Variants in GPR26 observed in about 807,000 individuals in gnomAD.
GPR26 encodes G protein-coupled receptor 26.
In GPR26, 15 loss-of-function variants were observed where a neutral mutation model predicts 23.1. That is an observed-to-expected ratio of 0.65 (90% CI 0.43 to 1.00). GPR26 has a LOEUF of 1.00. Ranked by LOEUF, GPR26 falls within the 50% of genes least tolerant of loss-of-function variation. GPR26 has a pLI of 0.00. For synonymous variants in GPR26, 228 were observed against 222.1 expected (o/e 1.03, Z -0.24); for missense variants, 359 against 470.5 (o/e 0.76, Z 2.19).
intron 2 of GPR26, among the ~76,000 whole-genome samples, chr10:123,675,786 G>C (rs1845297575): frequency 6.9e-6 from 1 of 145,474 alleles, no homozygotes; most frequent in Non-Finnish European, 1.5e-5. Flanking sequence ...AGCAGCATCT[G>C]TGCAGGGTTT....
Position 123,687,919 on chromosome 10 carries a change from C to T in GPR26, c.783-10C>T. 6.4e-7 allele frequency: 1 copy of T among 1,572,052 alleles called. No individual in the cohort carries two copies. The highest frequency in any genetic ancestry group is 1.1e-5 in the South Asian group (1 of 90,188). ...ATGTCCTCATTAACAGCTTCCCTGTCTCTCCACAGGCTAGTGGAGCTCTTC... is the reference window on the plus strand; with the variant it reads ...ATGTCCTCATTAACAGCTTCCCTGTTTCTCCACAGGCTAGTGGAGCTCTTC... On this transcript the variant is annotated splice_polypyrimidine_tract_variant and intron_variant, in intron 2 of 2. Transcript: ENST00000284674.
intron 2 of GPR26, among the ~76,000 whole-genome samples, chr10:123,684,742 C>T (rs909500434): frequency 3.3e-5 from 5 of 152,286 alleles, no homozygotes; most frequent in East Asian, 1.9e-4. Flanking sequence ...ACCAATAGTA[C>T]GGAATTAGGG....
intron 2 of GPR26, among the ~76,000 whole-genome samples, chr10:123,675,516 G>T (rs1845294286): frequency 6.6e-6 from 1 of 152,036 alleles, no homozygotes; most frequent in South Asian, 2.1e-4. Context: ...CCAGATCCTC[G>T]AGCCAGCCAA....
Position 123,667,561 on chromosome 10 carries a change from C to CTGTGTGTGTGTGTGTG in GPR26, c.668+511_668+526dup, listed in dbSNP as rs71026066. 8.8e-5 allele frequency among the ~76,000 whole-genome samples: 11 copies of CTGTGTGTGTGTGTGTG among 125,084 alleles called. No individual in the cohort carries two copies. In the East Asian group the frequency reaches 1.5e-3, roughly 17 times the overall value. 82.1% of individuals were successfully genotyped at this position (125,084 alleles called of 152,430 possible). ...GTGTGGCGCTGCCTCTGTCTCACGA[C>CTGTGTGTGTGTGTGTG]TGTGTGTGTGTGTGTGTGTGTGTGT... On this transcript the variant is annotated intron_variant, in intron 1 of 2. Coordinates refer to ENST00000284674, the MANE Select transcript of GPR26 (RefSeq NM_153442.4).
chr10:123,695,495 C>T lies in GPR26; in HGVS notation c.*7335C>T, dbSNP rs1054410213. ...TTAACTGTGAGAGTTAAGAGTATCACCATCAAGGCGCAAGGCTTCAGTCTT... is the reference window on the plus strand; with the variant it reads ...TTAACTGTGAGAGTTAAGAGTATCATCATCAAGGCGCAAGGCTTCAGTCTT... On this transcript the variant is annotated 3_prime_UTR_variant, in exon 3 of 3. Coordinates refer to ENST00000284674, the MANE Select transcript of GPR26 (RefSeq NM_153442.4). Among the ~76,000 whole-genome samples the T allele has an allele frequency of 2.6e-5, 4 of 152,110 alleles. No homozygotes were observed. Among genetic ancestry groups the T allele is most frequent in the South Asian group, 2.1e-4 (1 of 4,820 alleles).
At chr10:123,667,473 G>A (rs1319828842) in intron 1 of GPR26, among the ~76,000 whole-genome samples, 8 of 152,064 alleles carry the variant, frequency 5.3e-5, no homozygotes, top group Non-Finnish European at 1.2e-4. Flanking sequence ...GATGCTTAGG[G>A]AGCTCCTTAA....
In GPR26 at chr10:123,679,863, G is replaced by C. The variant is rs1287083078; in HGVS notation, c.782+4932G>C. 4.6e-5 allele frequency among the ~76,000 whole-genome samples: 7 copies of C among 152,128 alleles called. No homozygotes were observed. The East Asian group carries it at 7.7e-4, about 17-fold the overall frequency. On this transcript the variant is annotated intron_variant, in intron 2 of 2. Transcript: ENST00000284674. Reference sequence around the variant, plus strand: ...TACCCACTCCCAAGGCAGATCTCCCGAGGCTTGCTGAGCGAGTCATACTCC... The same window carrying C: ...TACCCACTCCCAAGGCAGATCTCCCCAGGCTTGCTGAGCGAGTCATACTCC...
At chr10:123,681,578 G>A (rs1845378668) in intron 2 of GPR26, among the ~76,000 whole-genome samples, 1 of 152,192 alleles carries the variant, frequency 6.6e-6, no homozygotes, top group South Asian at 2.1e-4. Flanking sequence ...TGGGAATGCT[G>A]GGAGCTGGGA....
Position 123,666,569 on chromosome 10 carries a change from G to A in GPR26, c.162G>A (p.Leu54=). 6.3e-7 allele frequency: 1 copy of A among 1,597,800 alleles called. No homozygotes were observed. Among genetic ancestry groups the A allele is most frequent in the Non-Finnish European group, 8.5e-7 (1 of 1,174,514 alleles). Residue 54 remains leucine (L), a synonymous_variant, in exon 1 of 3, where the codon CTG becomes CTA. Transcript: ENST00000284674. The part of the protein sequence containing the change: ...FTLNLTCGNL[L]CTVVNMPLTL... ...TGAACCTCACGTGCGGGAACCTGCTGTGCACCGTGGTCAACATGCCGCTCA... is the reference window on the plus strand; with the variant it reads ...TGAACCTCACGTGCGGGAACCTGCTATGCACCGTGGTCAACATGCCGCTCA...
chr10:123,681,448 A>T (rs1564732296), intron 2 of GPR26, among the ~76,000 whole-genome samples: 1 of 152,170 alleles, frequency 6.6e-6, no homozygotes, highest in South Asian at 2.1e-4. Context: ...TCAGCGCAGA[A>T]ACTAATATTC....
In GPR26 at chr10:123,694,362, AG is replaced by A. The variant is rs1444423387; in HGVS notation, c.*6206del. 1 of 152,660 alleles carries A rather than the reference AG, an allele frequency of 6.6e-6. No individual in the cohort carries two copies. Among genetic ancestry groups the A allele is most frequent in the African/African-American group, 2.4e-5 (1 of 41,416 alleles). The allele number at this position is 152,660 out of a possible 1,614,324, so 9.5% of individuals were successfully genotyped here. ...GAGATGGTGTCAGGTGAGGGCTGAGAGGGGAGGGCAAGTGCCCCTTGAGATG... is the reference window on the plus strand; with the variant it reads ...GAGATGGTGTCAGGTGAGGGCTGAGAGGGAGGGCAAGTGCCCCTTGAGATG... On this transcript the variant is annotated 3_prime_UTR_variant, in exon 3 of 3. Coordinates refer to ENST00000284674, the MANE Select transcript of GPR26 (RefSeq NM_153442.4).
At position 123,694,847 on chromosome 10, in the gene GPR26, G is replaced by A. The variant is rs767200154; in HGVS notation, c.*6687G>A. On this transcript the variant is annotated 3_prime_UTR_variant, in exon 3 of 3. Coordinates refer to ENST00000284674, the MANE Select transcript of GPR26 (RefSeq NM_153442.4). ...TTGAGGGGCATCTTCATTACACAGC[G>A]TGGGGAGGGAAGCATAATTCACTCT... Among the ~76,000 whole-genome samples the A allele has an allele frequency of 2.3e-4, 35 of 152,166 alleles. No individual in the cohort carries two copies. The highest frequency in any genetic ancestry group is 3.4e-4 in the Non-Finnish European group (23 of 68,030).
intron 1 of GPR26, among the ~76,000 whole-genome samples, chr10:123,671,477 T>C (rs1172361885): frequency 6.6e-6 from 1 of 151,976 alleles, no homozygotes; most frequent in Non-Finnish European, 1.5e-5. Flanking sequence ...GCCTGTCTCC[T>C]TTTGTCTCAA....
chr10:123,669,521 T>A (rs533176125), intron 1 of GPR26, among the ~76,000 whole-genome samples: 2 of 152,304 alleles, frequency 1.3e-5, no homozygotes, highest in African/African-American at 4.8e-5. Flanking sequence ...CCAGGAGTGC[T>A]GGTCTTGGGC....
chr10:123,675,801 T>TGTGTGTGTGTGTGTGTGTGTGTGTGTAC (rs1227959737), intron 2 of GPR26, among the ~76,000 whole-genome samples: 3 of 125,378 alleles, frequency 2.4e-5, no homozygotes, highest in Admixed American at 9.1e-5. Context: ...GGGTTTTCTG[T>TGTGTGTGTGTGTGTGTGTGTGTGTGTAC]GTGTGTGTGT....
intron 2 of GPR26, among the ~76,000 whole-genome samples, chr10:123,676,876 G>A (rs1309714752): frequency 1.3e-5 from 2 of 152,226 alleles, no homozygotes; most frequent in East Asian, 1.9e-4. Context: ...GGAACATGGA[G>A]ACAGGCAGCA....
intron 1 of GPR26, among the ~76,000 whole-genome samples, chr10:123,670,452 A>G (rs991306444): frequency 6.6e-5 from 10 of 152,232 alleles, no homozygotes; most frequent in Non-Finnish European, 1.0e-4. Context: ...AACTGTGTCT[A>G]TAGAGACTTA....
intron 2 of GPR26, among the ~76,000 whole-genome samples, chr10:123,684,516 A>G (rs1430964594): frequency 6.6e-6 from 1 of 152,206 alleles, no homozygotes; most frequent in Non-Finnish European, 1.5e-5. Flanking sequence ...GACCTCTCAC[A>G]GTTCCCAAGG....
Position 123,666,614 on chromosome 10 carries a change from G to T in GPR26, c.207G>T (p.Ala69=). Residue 69 remains alanine (A), a synonymous_variant, in exon 1 of 3, where the codon GCG becomes GCT. Coordinates refer to ENST00000284674, the MANE Select transcript of GPR26 (RefSeq NM_153442.4). ...NMPLTLAGVV[A]QRQPAGDRLC... is the part of the protein sequence containing the mutation. ...CGCTCACGCTGGCCGGCGTCGTGGC[G>T]CAGCGGCAGCCGGCGGGCGACCGCC... 3 of 1,589,190 alleles carry T rather than the reference G, an allele frequency of 1.9e-6. No homozygotes were observed. Among genetic ancestry groups the T allele is most frequent in the South Asian group, 2.3e-5 (2 of 88,678 alleles).
Sources: gnomAD v4.1 joint callset for allele counts (sites outside exome capture counted in the v4.1 genomes callset) on GRCh38, gnomAD v4.1.1 for gene constraint, MANE v1.5 for transcripts, NCBI Gene and HGNC (gene_info 2026-07-23, HGNC 2026-07-21) for gene names.